Variants in ADGRB3 observed in about 807,000 individuals in gnomAD.
ADGRB3 encodes adhesion G protein-coupled receptor B3.
In ADGRB3, 37 loss-of-function variants were observed where a neutral mutation model predicts 193.4. The ratio of observed to expected loss-of-function variants is 0.19; its 90% CI spans 0.15 to 0.25. The LOEUF (loss-of-function observed/expected upper bound fraction) is 0.25, where lower values mean the gene tolerates loss of function less well. Ranked by LOEUF, ADGRB3 falls within the 10% of genes least tolerant of loss-of-function variation. The pLI is 1.00. For missense variants in ADGRB3, 1,637 were observed against 1,852.9 expected (o/e 0.88, Z 2.14); for synonymous variants, 690 against 644.2 (o/e 1.07, Z -1.08).
At chr6:69,282,832 G>A (rs906067078) in intron 20 of ADGRB3, among the ~76,000 whole-genome samples, 6 of 152,082 alleles carry the variant, frequency 3.9e-5, no homozygotes, top group Non-Finnish European at 5.9e-5. Flanking sequence ...CTGCCTTTAA[G>A]TAGCTTAAAA....
intron 17 of ADGRB3, among the ~76,000 whole-genome samples, chr6:69,195,834 C>A (rs2150356315): frequency 6.6e-6 from 1 of 152,260 alleles, no homozygotes; most frequent in South Asian, 2.1e-4. Context: ...TAAATCAATT[C>A]CTTTTTTTAT....
chr6:68,670,698 T>A (rs527282802), intron 3 of ADGRB3, among the ~76,000 whole-genome samples: 1 of 152,086 alleles, frequency 6.6e-6, no homozygotes, highest in Admixed American at 6.6e-5. Context: ...AATGTGATTC[T>A]TCCAGTTTTG....
At chr6:68,888,893 T>TA (rs1159874995) in intron 3 of ADGRB3, among the ~76,000 whole-genome samples, 2 of 152,208 alleles carry the variant, frequency 1.3e-5, no homozygotes, top group Non-Finnish European at 2.9e-5. Flanking sequence ...TTTAGAAACT[T>TA]ATGTCACTTC....
chr6:69,061,227 A>G (rs1307608669), intron 15 of ADGRB3, among the ~76,000 whole-genome samples: 2 of 152,080 alleles, frequency 1.3e-5, no homozygotes, highest in Non-Finnish European at 2.9e-5. Context: ...ACATTACTGC[A>G]TACATGAGAA....
intron 20 of ADGRB3, among the ~76,000 whole-genome samples, chr6:69,299,166 C>A (rs1042272237): frequency 1.3e-5 from 2 of 151,866 alleles, no homozygotes; most frequent in African/African-American, 4.8e-5. Flanking sequence ...GCCTGTTGGC[C>A]ATTTTTTATG....
intron 3 of ADGRB3, among the ~76,000 whole-genome samples, chr6:68,847,361 G>T (rs1300943106): frequency 6.6e-6 from 1 of 152,148 alleles, no homozygotes; most frequent in African/African-American, 2.4e-5. Flanking sequence ...GAGGACATGA[G>T]ATTTGGTGGG....
intron 20 of ADGRB3, among the ~76,000 whole-genome samples, chr6:69,316,941 A>G (rs1768325207): frequency 6.6e-6 from 1 of 151,544 alleles, no homozygotes; most frequent in Admixed American, 6.6e-5. Flanking sequence ...ACATAAGATA[A>G]CTAAAGGAAG....
At chr6:69,203,534 C>T (rs892069802) in intron 17 of ADGRB3, among the ~76,000 whole-genome samples, 4 of 151,466 alleles carry the variant, frequency 2.6e-5, no homozygotes, top group African/African-American at 9.7e-5. Context: ...GAAGTCATAT[C>T]ATTGTTTCTT....
intron 3 of ADGRB3, among the ~76,000 whole-genome samples, chr6:68,675,849 T>G (rs760896908): frequency 6.6e-6 from 1 of 152,166 alleles, no homozygotes; most frequent in Non-Finnish European, 1.5e-5. Context: ...ATTCTCTTAT[T>G]TGGAAACTTC....
At chr6:69,211,462 A>G (rs1343402109) in intron 17 of ADGRB3, among the ~76,000 whole-genome samples, 1 of 152,134 alleles carries the variant, frequency 6.6e-6, no homozygotes, top group Non-Finnish European at 1.5e-5. Context: ...GTGTGCATCT[A>G]GTGCCAAGTA....
rs117927793 is a variant in ADGRB3, at chr6:68,894,527, A to G, written c.758-36032A>G. ...CTGAAAATTATGGAATGAGCCCTCA[A>G]AAGACTGCACTTTGTTCCCTTTATC... is the stretch of plus-strand genomic sequence containing the variant. On this transcript the variant is annotated intron_variant, in intron 3 of 31. Transcript: ENST00000370598. 1.4e-4 allele frequency among the ~76,000 whole-genome samples: 21 copies of G among 152,086 alleles called. No homozygotes were observed. The East Asian group carries it at 3.5e-3, about 25-fold the overall frequency.
chr6:69,087,741 G>A (rs921677602), intron 17 of ADGRB3, among the ~76,000 whole-genome samples: 2 of 152,100 alleles, frequency 1.3e-5, no homozygotes, highest in Non-Finnish European at 2.9e-5. Context: ...GAAAGAATTG[G>A]AAAATATCTT....
At chr6:69,346,287 C>G (rs1056451600) in intron 26 of ADGRB3, among the ~76,000 whole-genome samples, 1 of 152,124 alleles carries the variant, frequency 6.6e-6, no homozygotes, top group Non-Finnish European at 1.5e-5. Context: ...CAAGACAATC[C>G]TAAGCAAAAA....
intron 11 of ADGRB3, among the ~76,000 whole-genome samples, chr6:69,003,551 A>G (rs1398141599): frequency 6.6e-6 from 1 of 152,158 alleles, no homozygotes; most frequent in Non-Finnish European, 1.5e-5. Flanking sequence ...CTCCCAGCCA[A>G]CAATCACTCC....
rs541408586 is a variant in ADGRB3, at chr6:68,658,647, T to C, written c.757+19215T>C. On this transcript the variant is annotated intron_variant, in intron 3 of 31. Coordinates refer to ENST00000370598, the MANE Select transcript of ADGRB3 (RefSeq NM_001704.3). The stretch of plus-strand genomic sequence containing the variant: ...CTCACTAATACAAAGTTTTTTGGAT[T>C]GCTACATTTTAAATTAGTATACATA... 2.0e-5 allele frequency among the ~76,000 whole-genome samples: 3 copies of C among 151,448 alleles called. No homozygotes were observed. The South Asian group carries it at 6.2e-4, about 31-fold the overall frequency.
intron 16 of ADGRB3, among the ~76,000 whole-genome samples, chr6:69,069,295 C>T: frequency 6.6e-6 from 1 of 151,942 alleles, no homozygotes; most frequent in Non-Finnish European, 1.5e-5. Flanking sequence ...GACTGTAGAA[C>T]TGTTCATATG....
At chr6:69,291,936 A>G (rs1186910633) in intron 20 of ADGRB3, among the ~76,000 whole-genome samples, 1 of 152,098 alleles carries the variant, frequency 6.6e-6, no homozygotes, top group Non-Finnish European at 1.5e-5. Flanking sequence ...CCCTCCCTAT[A>G]CCGAGAGGAA....
chr6:69,354,389 A>G, intron 27 of ADGRB3, 61 bp downstream of exon 27: 1 of 1,397,624 alleles, frequency 7.2e-7, no homozygotes, highest in Non-Finnish European at 1.0e-6. Context: ...GAATAAAAGA[A>G]ATCCTTATGA....
chr6:68,848,238 G>A (rs545452792), intron 3 of ADGRB3, among the ~76,000 whole-genome samples: 1 of 151,972 alleles, frequency 6.6e-6, no homozygotes, highest in Non-Finnish European at 1.5e-5. Context: ...CTTTCATACT[G>A]GTTATTCAGT....
Sources: allele counts gnomAD v4.1 joint callset (sites outside exome capture counted in the v4.1 genomes callset), GRCh38; gene constraint gnomAD v4.1.1; transcripts MANE v1.5; gene names NCBI Gene and HGNC (gene_info 2026-07-23, HGNC 2026-07-21).